Variants in PDE4D observed in about 807,000 individuals in gnomAD.
PDE4D encodes 3',5'-cyclic-AMP phosphodiesterase 4D.
PDE4D carries 24 observed loss-of-function variants against 87.4 expected under a neutral mutation model. The observed-to-expected ratio is 0.27, with a 90% CI of 0.20 to 0.39. PDE4D has a LOEUF of 0.39. Among genes scored for constraint, PDE4D ranks in the 10% least tolerant of loss-of-function variants. The pLI, the probability that PDE4D is intolerant of heterozygous loss-of-function variation, is 1.00. For missense variants in PDE4D, 714 were observed against 1,041.0 expected (o/e 0.69, Z 4.32); for synonymous variants, 384 against 383.2 (o/e 1.00, Z -0.02).
At position 59,822,234 on chromosome 5, in the gene PDE4D, A is replaced by T. The variant is rs1460702033; in HGVS notation, c.455+70934T>A. On this transcript the variant is annotated intron_variant, in intron 1 of 14. Transcript: ENST00000340635. ...AAACTTTATACTCAAAGAATTAGAG[A>T]TAGGGAAACCCAGTTTTATGAACAT... Among the ~76,000 whole-genome samples, 3 of 152,206 alleles carry T rather than the reference A, an allele frequency of 2.0e-5. No individual in the cohort carries two copies. The East Asian group carries it at 5.8e-4, about 29-fold the overall frequency.
At chr5:60,438,764 T>C (rs1265052277) in intron 1 of PDE4D, among the ~76,000 whole-genome samples, 1 of 152,078 alleles carries the variant, frequency 6.6e-6, no homozygotes, top group Non-Finnish European at 1.5e-5. Context: ...AGGAGGAAGG[T>C]GCTTGATTGT....
intron 1 of PDE4D, among the ~76,000 whole-genome samples, chr5:60,250,893 A>C (rs1748358877): frequency 6.6e-6 from 1 of 151,954 alleles, no homozygotes. Flanking sequence ...AGCTCCTTGC[A>C]TGTTATTGCC....
intron 5 of PDE4D, among the ~76,000 whole-genome samples, chr5:59,065,988 G>T (rs1470343075): frequency 1.3e-5 from 2 of 152,184 alleles, no homozygotes; most frequent in East Asian, 3.9e-4. Flanking sequence ...CCCCATAAAA[G>T]CATTTTTACC....
At chr5:59,011,550 T>C (rs1008395808) in intron 6 of PDE4D, among the ~76,000 whole-genome samples, 4 of 151,986 alleles carry the variant, frequency 2.6e-5, no homozygotes, top group Non-Finnish European at 2.9e-5. Flanking sequence ...GTATCAGTGA[T>C]TGAAGATGAA....
At chr5:60,450,402 C>A (rs1746006873) in intron 1 of PDE4D, among the ~76,000 whole-genome samples, 1 of 152,038 alleles carries the variant, frequency 6.6e-6, no homozygotes, top group Non-Finnish European at 1.5e-5. Context: ...TTTAATTAAC[C>A]TATCCCCAGC....
chr5:59,333,696 A>G (rs567122113), intron 1 of PDE4D, among the ~76,000 whole-genome samples: 1 of 152,252 alleles, frequency 6.6e-6, no homozygotes, highest in East Asian at 1.9e-4. Flanking sequence ...TTTTTTATGG[A>G]GAGATTTTGA....
chr5:59,648,340 G>T (rs1019257165), intron 1 of PDE4D, among the ~76,000 whole-genome samples: 6 of 152,094 alleles, frequency 3.9e-5, no homozygotes, highest in African/African-American at 1.4e-4. Flanking sequence ...CATCTCAATA[G>T]TTCTTCAAAA....
At position 59,624,006 on chromosome 5, in the gene PDE4D, T is replaced by A. The variant is rs187259110; in HGVS notation, c.455+269162A>T. ...TCATAAATATTATTTGGCCTTACTA[T>A]TTTTTATCACTTTACAGAAGAGAAA... On this transcript the variant is annotated intron_variant, in intron 1 of 14. Transcript: ENST00000340635. Among the ~76,000 whole-genome samples, 40 of 150,748 alleles carry A rather than the reference T, an allele frequency of 2.7e-4. No homozygotes were observed. The East Asian group carries it at 7.6e-3, about 29-fold the overall frequency.
In PDE4D at chr5:60,433,142, C is replaced by A. The variant is rs1156239707; in HGVS notation, c.-90+54800G>T. On this transcript the variant is annotated intron_variant, in intron 1 of 16. Transcript: ENST00000502484. ...GGAAACTATCAACAAAGTAAATAGA[C>A]AACCTACAGGATGGGAGAAAATATT... Among the ~76,000 whole-genome samples, 5 of 152,150 alleles carry A rather than the reference C, an allele frequency of 3.3e-5. No individual in the cohort carries two copies. In the East Asian group the frequency reaches 9.6e-4, roughly 29 times the overall value.
intron 3 of PDE4D, among the ~76,000 whole-genome samples, chr5:59,974,591 G>A (rs1471771123): frequency 6.6e-6 from 1 of 152,090 alleles, no homozygotes; most frequent in East Asian, 1.9e-4. Flanking sequence ...TAGGACAAAC[G>A]TTATGGTCTT....
chr5:59,651,258 CAATAATAATAATAAT>C lies in PDE4D; in HGVS notation c.455+241895_455+241909del, dbSNP rs59177482. Among the ~76,000 whole-genome samples the C allele has an allele frequency of 1.5e-3, 219 of 142,252 alleles. 2 individuals are homozygous for C. Among genetic ancestry groups the C allele is most frequent in the African/African-American group, 4.5e-3 (174 of 38,410 alleles). 93.3% of individuals were successfully genotyped at this position (142,252 alleles called of 152,430 possible). A position where few individuals can be genotyped will look rare whatever the true frequency, so the allele number is the denominator to read the frequency against. On this transcript the variant is annotated intron_variant, in intron 1 of 14. Transcript: ENST00000340635. ...GCAACAGAGTGAGACTCTGTCTCAA[CAATAATAATAATAAT>C]AATAATAATAATAATAATAATAATA...
At chr5:59,809,048 T>A (rs762811770) in intron 1 of PDE4D, among the ~76,000 whole-genome samples, 85 of 152,298 alleles carry the variant, frequency 5.6e-4, no homozygotes, top group Non-Finnish European at 9.3e-4. Context: ...CACTACCCCG[T>A]AATTTAAAAA....
At chr5:59,050,553 C>T (rs985342133) in intron 5 of PDE4D, among the ~76,000 whole-genome samples, 5 of 152,112 alleles carry the variant, frequency 3.3e-5, no homozygotes, top group Non-Finnish European at 5.9e-5. Flanking sequence ...GCTCCATACA[C>T]GAATAAGATA....
chr5:59,768,833 G>A (rs1763148430), intron 1 of PDE4D, among the ~76,000 whole-genome samples: 1 of 152,148 alleles, frequency 6.6e-6, no homozygotes, highest in Admixed American at 6.5e-5. Context: ...TTAAACTATT[G>A]GAACTAATGC....
rs17628143 is a variant in PDE4D, at chr5:59,274,438, G to A, written c.456-58470C>T. On this transcript the variant is annotated intron_variant, in intron 1 of 14. Coordinates refer to ENST00000340635, the MANE Select transcript of PDE4D (RefSeq NM_001104631.2). ...TGTGTTTGCCTGCTCACATGATAAT[G>A]CATATTTTGCTGGCCTGTTTTCCTC... 8.4e-3 allele frequency among the ~76,000 whole-genome samples: 1,279 copies of A among 152,194 alleles called. 43 individuals carry two copies. The South Asian group carries it at 0.11, about 13-fold the overall frequency.
chr5:58,976,304 T>C (rs780688848), intron 13 of PDE4D, 46 bp downstream of exon 13: 28 of 1,600,162 alleles, frequency 1.7e-5, no homozygotes, highest in Admixed American at 5.1e-5. Flanking sequence ...CATGTGCACA[T>C]GTGCACAGAC....
chr5:59,091,447 A>T (rs550053350), intron 5 of PDE4D, among the ~76,000 whole-genome samples: 3 of 152,250 alleles, frequency 2.0e-5, no homozygotes, highest in South Asian at 2.1e-4. Context: ...GCTATATATC[A>T]TGATATATAT....
chr5:59,083,782 T>A (rs1767196565), intron 5 of PDE4D, among the ~76,000 whole-genome samples: 1 of 152,110 alleles, frequency 6.6e-6, no homozygotes, highest in Admixed American at 6.6e-5. Context: ...TTAGTTCCTT[T>A]TTGTTTAGGC....
intron 1 of PDE4D, among the ~76,000 whole-genome samples, chr5:60,367,166 C>T (rs573860813): frequency 4.6e-5 from 7 of 152,138 alleles, no homozygotes; most frequent in South Asian, 2.1e-4. Flanking sequence ...ATTTCTACAA[C>T]GGCCAGGCAT....
Sources: allele counts gnomAD v4.1 joint callset (sites outside exome capture counted in the v4.1 genomes callset), GRCh38; gene constraint gnomAD v4.1.1; transcripts MANE v1.5; gene names NCBI Gene and HGNC (gene_info 2026-07-23, HGNC 2026-07-21).